The following COG6 variants were observed in gnomAD, a reference collection of about 807,000 sequenced individuals.
COG6 encodes component of oligomeric golgi complex 6.
A neutral mutation model predicts 88.8 loss-of-function variants in COG6; 74 were observed. The observed-to-expected ratio is 0.83, with a 90% CI of 0.69 to 1.01. The LOEUF is 1.01. Ranked by LOEUF, COG6 falls within the 50% of genes least tolerant of loss-of-function variation. The pLI is 0.00. For missense variants in COG6, 800 were observed against 797.9 expected (o/e 1.00, Z -0.03); for synonymous variants, 286 against 278.7 (o/e 1.03, Z -0.26).
chr13:39,709,822 C>T (rs957133770), intron 13 of COG6, among the ~76,000 whole-genome samples: 7 of 152,048 alleles, frequency 4.6e-5, no homozygotes, highest in Admixed American at 2.0e-4. Flanking sequence ...TCCGTATCTT[C>T]GCTATTGTGC....
intron 6 of COG6, 60 bp from the exon 7 acceptor site, chr13:39,679,915 T>A: frequency 1.1e-6 from 1 of 873,980 alleles, no homozygotes; most frequent in South Asian, 1.4e-5. Context: ...ACAAAATAAT[T>A]AGGTGCTTAG....
chr13:39,787,632 A>G (rs183666191), intron 18 of COG6, among the ~76,000 whole-genome samples: 3 of 152,316 alleles, frequency 2.0e-5, no homozygotes, highest in South Asian at 2.1e-4. Flanking sequence ...ACATATACAT[A>G]TATACACATA....
chr13:39,665,150 G>A lies in COG6; in HGVS notation c.424G>A (p.Glu142Lys). 2 of 1,524,402 alleles carry A rather than the reference G, an allele frequency of 1.3e-6. No individual in the cohort carries two copies. Among genetic ancestry groups the A allele is most frequent in the Non-Finnish European group, 1.8e-6 (2 of 1,099,406 alleles). 94.4% of individuals were successfully genotyped at this position (1,524,402 alleles called of 1,614,324 possible). ...AGTAAAAACCACTAAGCTTCAATCT[G>A]AAAGGTAAGTTTTTCTTCATACAAC... ...LIVKTTKLQS[E>K]SQKLEIRAQV... The change falls in exon 4 of 19, where the codon GAA (glutamate) becomes AAA (lysine). Residue 142 changes from glutamate to lysine, a missense_variant. Physicochemically the swap from Glu to Lys is moderately conservative, Grantham distance 56. Transcript: ENST00000455146.
At chr13:39,702,662 G>T (rs894908845) in intron 13 of COG6, among the ~76,000 whole-genome samples, 1 of 151,896 alleles carries the variant, frequency 6.6e-6, no homozygotes, top group Non-Finnish European at 1.5e-5. Flanking sequence ...AAGAATGCTT[G>T]CCAATACTTT....
intron 17 of COG6, among the ~76,000 whole-genome samples, chr13:39,725,956 T>C (rs1879114772): frequency 6.6e-6 from 1 of 151,934 alleles, no homozygotes; most frequent in African/African-American, 2.4e-5. Flanking sequence ...CCTTCTCTCT[T>C]GACACATATC....
At chr13:39,757,907 ACT>A (rs748291266) in intron 18 of COG6, among the ~76,000 whole-genome samples, 4 of 152,040 alleles carry the variant, frequency 2.6e-5, no homozygotes, top group Non-Finnish European at 5.9e-5. Flanking sequence ...TCCAAAATAA[ACT>A]CTTGCAATTC....
intron 17 of COG6, among the ~76,000 whole-genome samples, chr13:39,726,190 C>G (rs1879126996): frequency 6.6e-6 from 1 of 151,898 alleles, no homozygotes; most frequent in Non-Finnish European, 1.5e-5. Context: ...AAAACTAACT[C>G]TGCACATTCC....
At chr13:39,736,136 G>A (rs1317526200) in intron 18 of COG6, among the ~76,000 whole-genome samples, 1 of 151,146 alleles carries the variant, frequency 6.6e-6, no homozygotes, top group Non-Finnish European at 1.5e-5. Context: ...AACAACTCTT[G>A]GATTTGCTCC....
In COG6 at chr13:39,660,815, T is replaced by G; in HGVS notation, c.303T>G (p.Leu101=). ...VSIFKEVKEE[L]ESISEDVQAM... The stretch of plus-strand genomic sequence containing the variant: ...GTTACTTTTCTTCTTTTCAGGAACT[T>G]GAAAGCATAAGCGAAGATGTTCAAG... Residue 101 remains leucine (L), a synonymous_variant, in exon 3 of 19, where the codon CTT becomes CTG. Transcript: ENST00000455146. 6.2e-7 allele frequency: 1 copy of G among 1,604,826 alleles called. No individual in the cohort carries two copies. Among genetic ancestry groups the G allele is most frequent in the Non-Finnish European group, 8.5e-7 (1 of 1,172,020 alleles).
chr13:39,679,276 C>G (rs1331970808), intron 5 of COG6: 1 of 440,010 alleles, frequency 2.3e-6, no homozygotes, highest in African/African-American at 2.0e-5. Flanking sequence ...GGATTTTTGT[C>G]TTTATAAATT....
intron 11 of COG6, among the ~76,000 whole-genome samples, chr13:39,691,500 A>G (rs1321138483): frequency 6.6e-6 from 1 of 151,984 alleles, no homozygotes; most frequent in Non-Finnish European, 1.5e-5. Flanking sequence ...TCCTTTTCTG[A>G]AATGGCAGAA....
At chr13:39,689,480 C>G (rs1876856188) in intron 10 of COG6, among the ~76,000 whole-genome samples, 1 of 152,064 alleles carries the variant, frequency 6.6e-6, no homozygotes, top group Non-Finnish European at 1.5e-5. Context: ...TGTCTTATAA[C>G]TTTAATCTTT....
At chr13:39,673,764 A>G (rs1297608497) in intron 4 of COG6, among the ~76,000 whole-genome samples, 2 of 151,950 alleles carry the variant, frequency 1.3e-5, no homozygotes, top group Non-Finnish European at 2.9e-5. Flanking sequence ...ATAGAACCAC[A>G]ATTAATATTT....
At chr13:39,724,709 T>C in intron 17 of COG6, 148 bp downstream of exon 17, 2 of 680,004 alleles carry the variant, frequency 2.9e-6, no homozygotes, top group Non-Finnish European at 2.6e-6. Flanking sequence ...TGACTGAGCC[T>C]GTATTACTTT....
intron 13 of COG6, among the ~76,000 whole-genome samples, chr13:39,717,030 G>T (rs746246012): frequency 1.3e-5 from 2 of 152,096 alleles, no homozygotes; most frequent in Non-Finnish European, 2.9e-5. Context: ...TGCTAGTGAA[G>T]AATTTTTGCC....
At chr13:39,741,490 G>A (rs1880040163) in intron 18 of COG6, among the ~76,000 whole-genome samples, 1 of 152,140 alleles carries the variant, frequency 6.6e-6, no homozygotes, top group Non-Finnish European at 1.5e-5. Flanking sequence ...ATTTGATCAA[G>A]TGGAAGAAAG....
intron 10 of COG6, among the ~76,000 whole-genome samples, chr13:39,689,041 G>A (rs554208862): frequency 8.5e-5 from 13 of 152,276 alleles, no homozygotes; most frequent in South Asian, 4.1e-4. Flanking sequence ...TGTTAGATTG[G>A]CACAAAGTGT....
rs148550012 is a variant in COG6, at chr13:39,677,571, A to T, written c.532A>T (p.Ile178Phe). 16 of 1,574,600 alleles carry T rather than the reference A, an allele frequency of 1.0e-5. 2 individuals carry two copies. In the South Asian group the frequency reaches 1.8e-4, roughly 18 times the overall value. The part of the protein sequence containing the change: ...SLLRGTREGP[I>F]TEDFFKALGR... ...TCTCCGAGGTACAAGAGAAGGACCC[A>T]TTACTGAGGTATCCTGGCTTTCTGT... Residue 178 changes from isoleucine (I) to phenylalanine (F), a missense_variant, in exon 5 of 19, where the codon ATT (isoleucine) becomes TTT (phenylalanine). Transcript: ENST00000455146.
At chr13:39,700,956 G>C (rs1877543061) in intron 13 of COG6, among the ~76,000 whole-genome samples, 2 of 151,918 alleles carry the variant, frequency 1.3e-5, no homozygotes, top group African/African-American at 4.8e-5. Context: ...AATAGAATAT[G>C]CTAGAACATG....
Sources: gnomAD v4.1 joint callset for allele counts (sites outside exome capture counted in the v4.1 genomes callset) on GRCh38, gnomAD v4.1.1 for gene constraint, MANE v1.5 for transcripts, NCBI Gene and HGNC (gene_info 2026-07-23, HGNC 2026-07-21) for gene names.